The following CSGALNACT1 variants were observed in gnomAD, a reference collection of about 807,000 sequenced individuals.
The protein encoded by CSGALNACT1 is chondroitin sulfate N-acetylgalactosaminyltransferase 1, also known as beta4GalNAcT-1.
In CSGALNACT1, 52 loss-of-function variants were observed where a neutral mutation model predicts 51.0. That is an observed-to-expected ratio of 1.02 (90% CI 0.82 to 1.29). The LOEUF (loss-of-function observed/expected upper bound fraction) is 1.29. Ranked by LOEUF, CSGALNACT1 falls within the 50% of genes most tolerant of loss-of-function variation. The probability of loss-of-function intolerance (pLI) is 0.00; values close to 1 mark genes in which losing one functional copy is unlikely to be tolerated. For synonymous variants in CSGALNACT1, 341 were observed against 254.4 expected (o/e 1.34, Z -3.24); for missense variants, 935 against 679.2 (o/e 1.38, Z -4.19).
chr8:19,411,932 G>A (rs572038706), intron 8 of CSGALNACT1, among the ~76,000 whole-genome samples: 2 of 151,532 alleles, frequency 1.3e-5, no homozygotes, highest in Non-Finnish European at 2.9e-5. Context: ...CTGGGTTCAA[G>A]CAATTCTCGT....
At chr8:19,492,710 G>A (rs566626006) in intron 4 of CSGALNACT1, among the ~76,000 whole-genome samples, 16 of 152,298 alleles carry the variant, frequency 1.1e-4, no homozygotes, top group Admixed American at 9.8e-4. Flanking sequence ...GTAGCCACCA[G>A]CCTAGCAATG....
At chr8:19,752,697 C>T (rs1415530415) in intron 1 of CSGALNACT1, among the ~76,000 whole-genome samples, 2 of 152,200 alleles carry the variant, frequency 1.3e-5, no homozygotes, top group Admixed American at 6.5e-5. Context: ...TCTACCTCCT[C>T]CCCATTTCCT....
At chr8:19,418,611 C>T (rs756965996) in intron 8 of CSGALNACT1, 45 bp downstream of exon 7, 4 of 1,256,614 alleles carry the variant, frequency 3.2e-6, no homozygotes, top group South Asian at 2.4e-5. Flanking sequence ...TAATGACAGA[C>T]ACTAAACAGA....
intron 4 of CSGALNACT1, among the ~76,000 whole-genome samples, chr8:19,486,171 G>A (rs770892426): frequency 6.6e-6 from 1 of 151,880 alleles, no homozygotes; most frequent in Non-Finnish European, 1.5e-5. Flanking sequence ...TCTATGACTT[G>A]TGTTTTTCCC....
chr8:19,537,803 A>T (rs1162747230), intron 3 of CSGALNACT1, among the ~76,000 whole-genome samples: 1 of 152,222 alleles, frequency 6.6e-6, no homozygotes, highest in Non-Finnish European at 1.5e-5. Flanking sequence ...TTTAGGAAAA[A>T]ACATAGGACA....
Position 19,520,854 on chromosome 8 carries a change from G to A in CSGALNACT1, c.-296-14724C>T, listed in dbSNP as rs562131391. ...GACAGACAAGGACGTTGAGACAGAG[G>A]TTATTAACATGTCCAAATGCCACAG... On this transcript the variant is annotated intron_variant, in intron 3 of 9. Transcript: ENST00000454498. Among the ~76,000 whole-genome samples the A allele has an allele frequency of 9.8e-5, 15 of 152,306 alleles. No individual in the cohort carries two copies. In the South Asian group the frequency reaches 2.5e-3, roughly 25 times the overall value.
intron 7 of CSGALNACT1, among the ~76,000 whole-genome samples, chr8:19,419,150 G>C (rs6990217): frequency 0.48 from 73,532 of 152,064 alleles, 18,804 homozygotes; most frequent in East Asian, 0.82. Flanking sequence ...CCGGCCTGCA[G>C]CCACTTTTCC....
intron 3 of CSGALNACT1, among the ~76,000 whole-genome samples, chr8:19,521,837 G>A (rs1392224682): frequency 1.3e-5 from 2 of 152,216 alleles, no homozygotes; most frequent in Admixed American, 6.5e-5. Context: ...AAGAGAGGGG[G>A]ACTTTGAAAA....
intron 3 of CSGALNACT1, among the ~76,000 whole-genome samples, chr8:19,564,032 A>G (rs1176970413): frequency 6.6e-6 from 1 of 151,974 alleles, no homozygotes; most frequent in Non-Finnish European, 1.5e-5. Context: ...GATTTCCACC[A>G]CTGAGCACTG....
intron 3 of CSGALNACT1, among the ~76,000 whole-genome samples, chr8:19,532,977 T>C (rs2154057629): frequency 6.6e-6 from 1 of 152,338 alleles, no homozygotes; most frequent in African/African-American, 2.4e-5. Flanking sequence ...TCTCTTCTTC[T>C]ACCCCAACTT....
At chr8:19,752,995 C>T (rs966257447) in intron 1 of CSGALNACT1, among the ~76,000 whole-genome samples, 49 of 152,152 alleles carry the variant, frequency 3.2e-4, no homozygotes, top group African/African-American at 1.2e-3. Context: ...CATCCATAAC[C>T]TTGTTCAGCT....
chr8:19,562,160 G>T (rs1388374547), intron 3 of CSGALNACT1, among the ~76,000 whole-genome samples: 1 of 152,134 alleles, frequency 6.6e-6, no homozygotes, highest in South Asian at 2.1e-4. Context: ...CAAACCAGAG[G>T]CTTGGGCCCT....
intron 9 of CSGALNACT1, among the ~76,000 whole-genome samples, chr8:19,408,323 T>C (rs900736269): frequency 7.2e-5 from 11 of 151,926 alleles, no homozygotes; most frequent in African/African-American, 2.2e-4. Flanking sequence ...AGCATTTGAT[T>C]TTCTTTTTGG....
intron 1 of CSGALNACT1, among the ~76,000 whole-genome samples, chr8:19,658,942 G>C (rs2058529071): frequency 6.6e-6 from 1 of 152,138 alleles, no homozygotes; most frequent in Non-Finnish European, 1.5e-5. Flanking sequence ...TCAAAAGCCA[G>C]TACCTGGTAG....
chr8:19,630,712 T>C (rs1486330157), intron 1 of CSGALNACT1, among the ~76,000 whole-genome samples: 1 of 152,240 alleles, frequency 6.6e-6, no homozygotes, highest in African/African-American at 2.4e-5. Flanking sequence ...GAATGTCATA[T>C]AGTTGGAACT....
At chr8:19,432,032 G>A (rs985093467) in intron 6 of CSGALNACT1, among the ~76,000 whole-genome samples, 3 of 151,898 alleles carry the variant, frequency 2.0e-5, no homozygotes, top group Admixed American at 1.3e-4. Context: ...TTATACTATC[G>A]TTTATATTTG....
intron 4 of CSGALNACT1, among the ~76,000 whole-genome samples, chr8:19,470,125 G>A (rs1469875151): frequency 1.3e-5 from 2 of 152,124 alleles, no homozygotes; most frequent in East Asian, 3.9e-4. Flanking sequence ...GAAGGTGAGA[G>A]GTGGATGGGA....
intron 6 of CSGALNACT1, among the ~76,000 whole-genome samples, chr8:19,430,959 T>C (rs2059570704): frequency 6.6e-6 from 1 of 152,176 alleles, no homozygotes; most frequent in Non-Finnish European, 1.5e-5. Flanking sequence ...AAAATTGTTT[T>C]CTTAATTTCA....
At chr8:19,631,019 G>T (rs1480506832) in intron 1 of CSGALNACT1, among the ~76,000 whole-genome samples, 1 of 152,118 alleles carries the variant, frequency 6.6e-6, no homozygotes, top group East Asian at 1.9e-4. Context: ...TTTGACAATT[G>T]TATAATGATA....
Sources: gnomAD v4.1 joint callset for allele counts (sites outside exome capture counted in the v4.1 genomes callset) on GRCh38, gnomAD v4.1.1 for gene constraint, MANE v1.5 for transcripts, NCBI Gene and HGNC (gene_info 2026-07-23, HGNC 2026-07-21) for gene names.